Variants in ZFHX3 observed in about 807,000 individuals in gnomAD.
The protein encoded by ZFHX3 is zinc finger homeobox protein 3.
A neutral mutation model predicts 279.1 loss-of-function variants in ZFHX3; 42 were observed. That is an observed-to-expected ratio of 0.15 (90% CI 0.12 to 0.19). The LOEUF is 0.19. Among genes scored for constraint, ZFHX3 ranks in the 10% least tolerant of loss-of-function variants. The probability of loss-of-function intolerance (pLI) is 1.00; values close to 1 mark genes in which losing one functional copy is unlikely to be tolerated. For missense variants in ZFHX3, 4,981 were observed against 4,754.0 expected, an observed-to-expected ratio of 1.05 and a Z score of -1.40; for synonymous variants, 2,293 against 1,957.8, an observed-to-expected ratio of 1.17 and a Z score of -4.52.
chr16:73,409,598 C>T (rs2143456115), intron 3 of ZFHX3, among the ~76,000 whole-genome samples: 1 of 152,266 alleles, frequency 6.6e-6, no homozygotes, highest in Admixed American at 6.5e-5. Flanking sequence ...CCATATGGTC[C>T]AGCAATCCCA....
chr16:73,644,468 A>C (rs965114503), intron 2 of ZFHX3, among the ~76,000 whole-genome samples: 1 of 151,930 alleles, frequency 6.6e-6, no homozygotes, highest in Non-Finnish European at 1.5e-5. Flanking sequence ...GAGACCAGCC[A>C]TGGTCAACAC....
In ZFHX3 at chr16:73,273,927, G is replaced by A. The variant is rs549637036; in HGVS notation, c.-1193-16791C>T. 6.6e-5 allele frequency among the ~76,000 whole-genome samples: 10 copies of A among 152,276 alleles called. No homozygotes were observed. The East Asian group carries it at 9.7e-4, about 15-fold the overall frequency. Reference sequence around the variant, plus strand: ...GGAGGCCGAGGCGGGTGGATCACCCGAGGTCAGGAGTTTGAGACCAGCCTG... The same window carrying A: ...GGAGGCCGAGGCGGGTGGATCACCCAAGGTCAGGAGTTTGAGACCAGCCTG... On this transcript the variant is annotated intron_variant, in intron 4 of 17. Transcript: ENST00000641206.
chr16:72,880,784 A>T (rs1354551525), intron 4 of ZFHX3, among the ~76,000 whole-genome samples: 5 of 152,332 alleles, frequency 3.3e-5, no homozygotes, highest in African/African-American at 1.2e-4. Flanking sequence ...TATACACAAA[A>T]GGTCTCAAGA....
chr16:73,297,733 T>C (rs896094793), intron 4 of ZFHX3, among the ~76,000 whole-genome samples: 1 of 152,070 alleles, frequency 6.6e-6, no homozygotes, highest in Middle Eastern at 3.4e-3. Context: ...TCTGTTCTTT[T>C]ATTACGTGAC....
intron 5 of ZFHX3, among the ~76,000 whole-genome samples, chr16:73,243,558 A>T (rs1400226618): frequency 3.3e-5 from 5 of 152,208 alleles, no homozygotes; most frequent in Non-Finnish European, 7.4e-5. Context: ...CCACTAAGCT[A>T]TTATATTTGC....
chr16:73,161,375 A>G (rs1406835276), intron 5 of ZFHX3, among the ~76,000 whole-genome samples: 6 of 152,286 alleles, frequency 3.9e-5, no homozygotes, highest in African/African-American at 1.4e-4. Flanking sequence ...GAATTCTTAC[A>G]GCCTTAGAGT....
chr16:73,403,411 G>T (rs75786527), intron 3 of ZFHX3, among the ~76,000 whole-genome samples: 5 of 152,170 alleles, frequency 3.3e-5, no homozygotes, highest in East Asian at 1.9e-4. Context: ...CCCGCTTTGC[G>T]GTATGCAATT....
At chr16:73,531,995 G>C (rs2019812536) in intron 2 of ZFHX3, among the ~76,000 whole-genome samples, 1 of 151,696 alleles carries the variant, frequency 6.6e-6, no homozygotes, top group Non-Finnish European at 1.5e-5. Flanking sequence ...GGCTGAAGTG[G>C]GAAAATGGCC....
At chr16:73,824,059 C>G (rs954462149) in intron 1 of ZFHX3, among the ~76,000 whole-genome samples, 3 of 152,138 alleles carry the variant, frequency 2.0e-5, no homozygotes, top group African/African-American at 7.2e-5. Context: ...GGGTGTGACA[C>G]AGAAAATAAA....
chr16:72,795,079 A>G lies in ZFHX3; in HGVS notation c.7603T>C (p.Cys2535Arg), dbSNP rs532518854. 6.2e-7 allele frequency: 1 copy of G among 1,613,954 alleles called. No individual in the cohort carries two copies. The highest frequency in any genetic ancestry group is 1.1e-5 in the South Asian group (1 of 91,064). Residue 2535 changes from cysteine to arginine, a missense_variant, in exon 9 of 10, where the codon TGT becomes CGT. Physicochemically the swap from Cys to Arg is radical, Grantham distance 180. Around this residue, in one of 7 missense-constraint regions of ZFHX3, gnomAD observed 744 missense variants for 701.3 expected, o/e 1.06. Transcript: ENST00000268489. ...PQLIPYQCDQ[C>R]KLAFPSFEHW... ...TCAAATGACGGAAATGCCAACTTAC[A>G]CTGGTCACACTGGTAGGGGATTAGC...
At chr16:73,369,942 TTGGTCAGAC>T (rs926833556) in intron 3 of ZFHX3, among the ~76,000 whole-genome samples, 1 of 152,210 alleles carries the variant, frequency 6.6e-6, no homozygotes, top group Admixed American at 6.5e-5. Context: ...AATATATCGC[TTGGTCAGAC>T]TGTTTGTGAT....
At chr16:73,507,068 G>A (rs990847025) in intron 2 of ZFHX3, among the ~76,000 whole-genome samples, 4 of 152,132 alleles carry the variant, frequency 2.6e-5, no homozygotes, top group Non-Finnish European at 4.4e-5. Context: ...GTTTTCTACT[G>A]ACACTCTTGG....
chr16:73,189,382 G>A (rs1019687949), intron 5 of ZFHX3, among the ~76,000 whole-genome samples: 9 of 152,078 alleles, frequency 5.9e-5, no homozygotes, highest in Non-Finnish European at 1.3e-4. Context: ...CTTCCTTTAC[G>A]TTTATTGCTT....
chr16:73,004,503 G>T (rs1963633989), intron 1 of ZFHX3, among the ~76,000 whole-genome samples: 1 of 151,426 alleles, frequency 6.6e-6, no homozygotes, highest in Admixed American at 6.6e-5. Flanking sequence ...TAGTAGAGAT[G>T]GGGTTTCCCC....
intron 3 of ZFHX3, chr16:73,402,534 T>C (rs2017277322): frequency 6.6e-6 from 1 of 152,256 alleles, no homozygotes; most frequent in African/African-American, 2.4e-5. Context: ...ACTTAACTTG[T>C]TGAGAATCCC....
At chr16:72,845,485 CG>C (rs2037455530) in intron 4 of ZFHX3, among the ~76,000 whole-genome samples, 1 of 152,190 alleles carries the variant, frequency 6.6e-6, no homozygotes, top group African/African-American at 2.4e-5. Flanking sequence ...CAGCCACGCC[CG>C]GCCCTGAACC....
intron 3 of ZFHX3, among the ~76,000 whole-genome samples, chr16:73,419,222 G>C (rs1807988379): frequency 1.3e-5 from 2 of 152,332 alleles, no homozygotes; most frequent in South Asian, 4.1e-4. Flanking sequence ...TTATGGGGCA[G>C]ATAGTATGCT....
intron 1 of ZFHX3, among the ~76,000 whole-genome samples, chr16:73,687,764 C>A (rs1032407379): frequency 6.8e-6 from 1 of 146,426 alleles, no homozygotes; most frequent in Non-Finnish European, 1.5e-5. Flanking sequence ...AGGAGAATCT[C>A]TTGAACCCAG....
intron 8 of ZFHX3, among the ~76,000 whole-genome samples, chr16:73,074,585 TGACAATGATGAC>T (rs566756120): frequency 7.5e-4 from 114 of 151,964 alleles, no homozygotes; most frequent in African/African-American, 1.3e-3. Context: ...AGAATGATAA[TGACAATGATGAC>T]GACAATGATG....
Sources: allele counts gnomAD v4.1 joint callset (sites outside exome capture counted in the v4.1 genomes callset), GRCh38; gene constraint gnomAD v4.1.1; regional missense constraint gnomAD v4.1.1; transcripts MANE v1.5; gene names NCBI Gene and HGNC (gene_info 2026-07-23, HGNC 2026-07-21).